The following CLVS1 variants were observed in gnomAD, a reference collection of about 807,000 sequenced individuals.
CLVS1 encodes clavesin-1.
A neutral mutation model predicts 33.1 loss-of-function variants in CLVS1; 10 were observed. The ratio of observed to expected loss-of-function variants is 0.30; its 90% CI spans 0.19 to 0.51. The LOEUF is 0.51. CLVS1 is among the 20% of genes least tolerant of loss of function. The pLI is 0.97. For missense variants in CLVS1, 343 were observed against 433.4 expected (o/e 0.79, Z 1.85); for synonymous variants, 163 against 166.1 (o/e 0.98, Z 0.14).
intron 2 of CLVS1, among the ~76,000 whole-genome samples, chr8:61,311,674 C>T (rs186436886): frequency 2.9e-4 from 44 of 152,310 alleles, no homozygotes; most frequent in Non-Finnish European, 6.3e-4. Context: ...GCATATCTTT[C>T]CAGGCCAGCT....
intron 2 of CLVS1, among the ~76,000 whole-genome samples, chr8:61,176,308 CCA>C (rs1268249862): frequency 6.6e-6 from 1 of 152,116 alleles, no homozygotes; most frequent in Non-Finnish European, 1.5e-5. Context: ...CCCAGTCATT[CCA>C]CCTGAGGCTT....
At chr8:61,194,648 G>A (rs1331038691) in intron 2 of CLVS1, among the ~76,000 whole-genome samples, 1 of 151,756 alleles carries the variant, frequency 6.6e-6, no homozygotes, top group Non-Finnish European at 1.5e-5. Context: ...TGATGGGAAA[G>A]TCAGAAAAAT....
chr8:61,396,369 T>C (rs1814528928), intron 3 of CLVS1, among the ~76,000 whole-genome samples: 1 of 152,158 alleles, frequency 6.6e-6, no homozygotes. Context: ...GTTACAGCAT[T>C]TTTCAAAATT....
chr8:61,382,494 G>C (rs1813920739), intron 3 of CLVS1, among the ~76,000 whole-genome samples: 1 of 152,288 alleles, frequency 6.6e-6, no homozygotes, highest in South Asian at 2.1e-4. Context: ...TAGAAATGCA[G>C]ATTTTCAGGC....
chr8:61,078,868 T>C (rs913402270), intron 1 of CLVS1, among the ~76,000 whole-genome samples: 1 of 152,244 alleles, frequency 6.6e-6, no homozygotes, highest in East Asian at 1.9e-4. Flanking sequence ...AATTCCAGTG[T>C]TTAAAAACTA....
At chr8:61,455,255 A>G (rs1232574783) in intron 4 of CLVS1, among the ~76,000 whole-genome samples, 3 of 151,932 alleles carry the variant, frequency 2.0e-5, no homozygotes, top group East Asian at 1.9e-4. Context: ...AATAAACAAT[A>G]CAATATTATT....
intron 1 of CLVS1, chr8:61,292,474 T>G: frequency 2.2e-6 from 1 of 454,884 alleles, no homozygotes; most frequent in Non-Finnish European, 4.4e-6. Flanking sequence ...ACCTTTCTTA[T>G]CTCCTTTAGG....
At chr8:60,966,462 A>T in the CLVS1 span, 2 of 442,590 alleles carry the variant, frequency 4.5e-6, no homozygotes, top group Non-Finnish European at 9.0e-6. Context: ...GTCATTCTGG[A>T]GAACAAGGTA....
chr8:61,467,154 G>A (rs1214152794), intron 5 of CLVS1, among the ~76,000 whole-genome samples: 1 of 152,122 alleles, frequency 6.6e-6, no homozygotes. Flanking sequence ...TTTTGATTGA[G>A]GGTAAGAAAC....
chr8:61,179,061 A>C (rs2129300080), intron 2 of CLVS1, among the ~76,000 whole-genome samples: 1 of 152,346 alleles, frequency 6.6e-6, no homozygotes, highest in South Asian at 2.1e-4. Context: ...CAAATTGGAT[A>C]AAGGGTCAAG....
chr8:61,220,501 C>T (rs1386874406), intron 2 of CLVS1, among the ~76,000 whole-genome samples: 1 of 152,100 alleles, frequency 6.6e-6, no homozygotes, highest in African/African-American at 2.4e-5. Context: ...GGTCTCTGTT[C>T]TGCTCCATTT....
intron 2 of CLVS1, among the ~76,000 whole-genome samples, chr8:61,321,661 C>T (rs1233348071): frequency 6.6e-6 from 1 of 152,102 alleles, no homozygotes; most frequent in Non-Finnish European, 1.5e-5. Flanking sequence ...CTATGCAGTT[C>T]CTCCTACCAG....
intron 3 of CLVS1, among the ~76,000 whole-genome samples, chr8:61,449,809 A>G (rs1456593034): frequency 6.6e-6 from 1 of 152,170 alleles, no homozygotes; most frequent in Non-Finnish European, 1.5e-5. Flanking sequence ...CAGAGTCCCT[A>G]GCTGATTTGT....
intron 2 of CLVS1, among the ~76,000 whole-genome samples, chr8:61,219,753 A>G (rs888506500): frequency 1.3e-5 from 2 of 152,190 alleles, no homozygotes; most frequent in Non-Finnish European, 2.9e-5. Context: ...GAACTAATTT[A>G]CATTACCACC....
In CLVS1 at chr8:61,441,145, C is replaced by A. The variant is rs1167813242; in HGVS notation, c.631-12996C>A. On this transcript the variant is annotated intron_variant, in intron 3 of 5. Coordinates refer to ENST00000325897, the MANE Select transcript of CLVS1 (RefSeq NM_173519.3). ...CTTATGCTGCTGAAAATGTTTTTAACCTGTCTTCTTCTATGTGGGAAATGG... is the reference window on the plus strand; with the variant it reads ...CTTATGCTGCTGAAAATGTTTTTAAACTGTCTTCTTCTATGTGGGAAATGG... 2.6e-5 allele frequency among the ~76,000 whole-genome samples: 4 copies of A among 152,240 alleles called. No individual in the cohort carries two copies. The East Asian group carries it at 7.7e-4, about 29-fold the overall frequency.
chr8:61,089,096 C>T (rs563267754), intron 1 of CLVS1, among the ~76,000 whole-genome samples: 111 of 152,250 alleles, frequency 7.3e-4, no homozygotes, highest in African/African-American at 2.6e-3. Context: ...CCACCGGGCC[C>T]GGCCTAGACT....
At chr8:61,034,927 C>G in the CLVS1 span, among the ~76,000 whole-genome samples, 151 of 152,284 alleles carry the variant, frequency 9.9e-4, no homozygotes, top group East Asian at 0.027. Flanking sequence ...ATACAGTCTC[C>G]TTTCTCAGAT....
chr8:61,399,349 A>G (rs1010634071), intron 3 of CLVS1, among the ~76,000 whole-genome samples: 1 of 152,022 alleles, frequency 6.6e-6, no homozygotes, highest in African/African-American at 2.4e-5. Flanking sequence ...TTGAGAAGAC[A>G]TGTCTTCTCT....
chr8:61,112,882 A>G (rs1189951079), intron 1 of CLVS1, among the ~76,000 whole-genome samples: 1 of 152,214 alleles, frequency 6.6e-6, no homozygotes, highest in Admixed American at 6.5e-5. Flanking sequence ...AATAAGTGAT[A>G]AATGAATCAG....
Sources: allele counts gnomAD v4.1 joint callset (sites outside exome capture counted in the v4.1 genomes callset), GRCh38; gene constraint gnomAD v4.1.1; transcripts MANE v1.5; gene names NCBI Gene and HGNC (gene_info 2026-07-23, HGNC 2026-07-21).